The following ADAMTS17 variants were observed in gnomAD, a reference collection of about 807,000 sequenced individuals.
ADAMTS17 encodes ADAM metallopeptidase with thrombospondin type 1 motif 17.
In ADAMTS17, 113 loss-of-function variants were observed where a neutral mutation model predicts 141.5. The ratio of observed to expected loss-of-function variants is 0.80; its 90% CI spans 0.69 to 0.93. The LOEUF is 0.93. ADAMTS17 is among the 40% of genes least tolerant of loss of function. The pLI, the probability that ADAMTS17 is intolerant of heterozygous loss-of-function variation, is 0.00. For synonymous variants in ADAMTS17, 768 were observed against 630.6 expected (o/e 1.22, Z -3.27); for missense variants, 1,659 against 1,517.9 (o/e 1.09, Z -1.54).
intron 16 of ADAMTS17, among the ~76,000 whole-genome samples, chr15:100,053,088 G>A (rs748164031): frequency 5.3e-5 from 8 of 152,200 alleles, no homozygotes; most frequent in Non-Finnish European, 1.0e-4. Flanking sequence ...GGCAGGCACT[G>A]TGGACAAAGC....
At chr15:99,982,236 G>C (rs28710342) in intron 20 of ADAMTS17, among the ~76,000 whole-genome samples, 1,960 of 152,282 alleles carry the variant, frequency 0.013, 47 homozygotes, top group African/African-American at 0.044. Context: ...CAGCGAGCTG[G>C]GCAGGGAGCT....
chr15:100,030,625 T>C (rs2030056192), intron 18 of ADAMTS17, among the ~76,000 whole-genome samples: 1 of 152,210 alleles, frequency 6.6e-6, no homozygotes. Flanking sequence ...ATCCTGCTGA[T>C]GATACTATCT....
chr15:100,202,277 T>A (rs984559126), intron 7 of ADAMTS17, among the ~76,000 whole-genome samples: 1 of 152,244 alleles, frequency 6.6e-6, no homozygotes, highest in Admixed American at 6.5e-5. Context: ...CTTCCAATAA[T>A]TGCATTTTAA....
chr15:100,071,668 T>C (rs2033981412), intron 15 of ADAMTS17, among the ~76,000 whole-genome samples: 1 of 150,460 alleles, frequency 6.6e-6, no homozygotes, highest in African/African-American at 2.5e-5. Flanking sequence ...CACATGATTA[T>C]CTCAATAGAT....
intron 15 of ADAMTS17, among the ~76,000 whole-genome samples, chr15:100,085,953 A>T (rs1433989693): frequency 8.6e-5 from 13 of 151,898 alleles, no homozygotes; most frequent in Admixed American, 1.3e-4. Flanking sequence ...GAGCAAAATA[A>T]CCAGCTAATA....
intron 12 of ADAMTS17, among the ~76,000 whole-genome samples, chr15:100,130,339 G>T (rs11247156): frequency 1.3e-5 from 2 of 150,478 alleles, no homozygotes; most frequent in Non-Finnish European, 3.0e-5. Flanking sequence ...ACTCCAGCCT[G>T]GGGGACAGAG....
In ADAMTS17 at chr15:100,234,437, G is replaced by T. The variant is rs148735482; in HGVS notation, c.1075+19699C>A. On this transcript the variant is annotated intron_variant, in intron 7 of 21. Transcript: ENST00000268070. Reference sequence around the variant, plus strand: ...CGGGCCCACAGTCATGTACTGGGAAGGAGCAGAGCCAGCTGCCTCTTCAAG... The same window carrying T: ...CGGGCCCACAGTCATGTACTGGGAATGAGCAGAGCCAGCTGCCTCTTCAAG... 1.2e-3 allele frequency among the ~76,000 whole-genome samples: 180 copies of T among 152,318 alleles called. 1 individual carries two copies. Among genetic ancestry groups the T allele is most frequent in the African/African-American group, 4.2e-3 (174 of 41,560 alleles).
At chr15:100,319,870 C>T (rs1309246394) in intron 3 of ADAMTS17, among the ~76,000 whole-genome samples, 1 of 152,028 alleles carries the variant, frequency 6.6e-6, no homozygotes, top group Admixed American at 6.6e-5. Flanking sequence ...GCAGAGGTTG[C>T]GGTGAGCTGA....
At position 100,051,639 on chromosome 15, in the gene ADAMTS17, T is replaced by C. The variant is rs763171758; in HGVS notation, c.2388A>G (p.Lys796=). ...TCCAGATGAACAAAGAGTCCTGCGGTTTTTCTGGTTCGCTTTGATTTTCCG... is the reference window on the plus strand; with the variant it reads ...TCCAGATGAACAAAGAGTCCTGCGGCTTTTCTGGTTCGCTTTGATTTTCCG... The part of the protein sequence containing the change: ...RTAENQSEPE[K]PQDSLFIWTH... The change falls in exon 17 of 22, where the codon AAA becomes AAG. Residue 796 remains lysine (K), a synonymous_variant. Coordinates refer to ENST00000268070, the MANE Select transcript of ADAMTS17 (RefSeq NM_139057.4). 3.1e-6 allele frequency: 5 copies of C among 1,614,100 alleles called. No homozygotes were observed. In the South Asian group the frequency reaches 5.5e-5, roughly 18 times the overall value.
chr15:100,242,375 C>G (rs560114064), intron 7 of ADAMTS17, among the ~76,000 whole-genome samples: 1 of 152,340 alleles, frequency 6.6e-6, no homozygotes, highest in Non-Finnish European at 1.5e-5. Flanking sequence ...TTGAGTAAGT[C>G]TCAGTGCCCA....
intron 12 of ADAMTS17, 140 bp from the exon 13 acceptor site, chr15:100,117,153 G>T: frequency 2.0e-6 from 2 of 975,786 alleles, no homozygotes; most frequent in Non-Finnish European, 3.1e-6. Context: ...TGCTGTTACA[G>T]ACCAAATGCC....
chr15:99,977,400 AATTTTTTTTTTTT>A (rs2060383755), intron 20 of ADAMTS17, among the ~76,000 whole-genome samples: 3 of 4,754 alleles, frequency 6.3e-4, no homozygotes, highest in Non-Finnish European at 8.9e-4. Flanking sequence ...ATATATATAT[AATTTTTTTTTTTT>A]TTTTTTTTTT....
In ADAMTS17 at chr15:100,034,559, G is replaced by A. The variant is rs572902198; in HGVS notation, c.2591+14298C>T. On this transcript the variant is annotated intron_variant, in intron 18 of 21. Transcript: ENST00000268070. ...AAGGGGATGCCACTGCTGGGCTTGGGAAGAAGGACCCCGCGTGTACACCAT... is the reference window on the plus strand; with the variant it reads ...AAGGGGATGCCACTGCTGGGCTTGGAAAGAAGGACCCCGCGTGTACACCAT... Among the ~76,000 whole-genome samples the A allele has an allele frequency of 1.4e-4, 22 of 152,352 alleles. No individual in the cohort carries two copies. The South Asian group carries it at 4.6e-3, about 32-fold the overall frequency.
At chr15:100,249,473 T>G (rs976256718) in intron 7 of ADAMTS17, among the ~76,000 whole-genome samples, 1 of 152,044 alleles carries the variant, frequency 6.6e-6, no homozygotes, top group Non-Finnish European at 1.5e-5. Context: ...CCAGTGCAGG[T>G]GGGGTGGGGA....
Position 100,261,491 on chromosome 15 carries a change from ACG to A in ADAMTS17, c.1017_1018del (p.Phe341CysfsTer12). ...AATCCCATCTTACCTGGTCACAAAC[ACG>A]GCAGCATCCACCAGGGGCGGGTCGT... On this transcript the variant is annotated frameshift_variant, in exon 6 of 22. Coordinates refer to ENST00000268070, the MANE Select transcript of ADAMTS17 (RefSeq NM_139057.4). LOFTEE classifies it high-confidence loss of function. The A allele has an allele frequency of 6.2e-7, 1 of 1,614,104 alleles. No individual in the cohort carries two copies. The highest frequency in any genetic ancestry group is 8.5e-7 in the Non-Finnish European group (1 of 1,180,018).
chr15:100,135,460 T>C (rs928522191), intron 10 of ADAMTS17, among the ~76,000 whole-genome samples: 3 of 152,000 alleles, frequency 2.0e-5, no homozygotes, highest in South Asian at 4.2e-4. Flanking sequence ...ATTTTTTGTA[T>C]TTTTAGTAGA....
At chr15:100,080,464 T>C (rs544574496) in intron 15 of ADAMTS17, among the ~76,000 whole-genome samples, 1 of 152,074 alleles carries the variant, frequency 6.6e-6, no homozygotes, top group East Asian at 1.9e-4. Flanking sequence ...GTGACTAAGG[T>C]CAATGGGAAA....
intron 8 of ADAMTS17, among the ~76,000 whole-genome samples, chr15:100,188,889 G>A (rs1333981139): frequency 1.3e-5 from 2 of 152,150 alleles, no homozygotes; most frequent in African/African-American, 2.4e-5. Flanking sequence ...AAGCTATCCC[G>A]AAAACACCCC....
At chr15:100,022,565 G>A (rs2061425060) in intron 18 of ADAMTS17, among the ~76,000 whole-genome samples, 1 of 152,182 alleles carries the variant, frequency 6.6e-6, no homozygotes, top group Non-Finnish European at 1.5e-5. Flanking sequence ...GCAGGCAAAT[G>A]AGACACAGTA....
Sources: allele counts gnomAD v4.1 joint callset (sites outside exome capture counted in the v4.1 genomes callset), GRCh38; gene constraint gnomAD v4.1.1; transcripts MANE v1.5; gene names NCBI Gene and HGNC (gene_info 2026-07-23, HGNC 2026-07-21).